The following MEIS2 variants were observed in gnomAD, a reference collection of about 807,000 sequenced individuals.
The protein encoded by MEIS2 is Meis homeobox 2, also known as homeobox protein Meis2.
A neutral mutation model predicts 58.6 loss-of-function variants in MEIS2; 9 were observed. That is an observed-to-expected ratio of 0.15 (90% CI 0.09 to 0.27). The LOEUF (loss-of-function observed/expected upper bound fraction) is 0.27. Ranked by LOEUF, MEIS2 falls within the 10% of genes least tolerant of loss-of-function variation. The pLI is 1.00. For missense variants in MEIS2, 427 were observed against 635.0 expected, an observed-to-expected ratio of 0.67 and a Z score of 3.52; for synonymous variants, 221 against 228.4, an observed-to-expected ratio of 0.97 and a Z score of 0.29.
At chr15:37,027,922 T>G (rs1342661290) in intron 8 of MEIS2, among the ~76,000 whole-genome samples, 2 of 152,206 alleles carry the variant, frequency 1.3e-5, no homozygotes. Context: ...TCACAACTGA[T>G]GAACCTACAT....
rs1214763170 is a variant in MEIS2, at chr15:36,892,367, G to A, written c.1240C>T (p.Pro414Ser). The change falls in exon 12 of 12, where the codon CCA (proline) becomes TCA (serine). Residue 414 changes from proline to serine, a missense_variant. By Grantham distance (74) the Pro-to-Ser change is moderately conservative. Around this residue, in one of 6 missense-constraint regions of MEIS2, gnomAD observed 154 missense variants for 148.1 expected, o/e 1.04. Coordinates refer to ENST00000561208, the MANE Select transcript of MEIS2 (RefSeq NM_170675.5). ...QPSYTPPQMT[P>S]HPTQLRHGPP... ...CCATGTCTTAATTGAGTAGGGTGTG[G>A]GGTCATCTGGGGAGGAGTGTAACTT... 5 of 1,613,854 alleles carry A rather than the reference G, an allele frequency of 3.1e-6. No homozygotes were observed. The highest frequency in any genetic ancestry group is 3.4e-6 in the Non-Finnish European group (4 of 1,179,930).
In MEIS2 at chr15:37,031,815, T is replaced by TGTG. The variant is rs2061937382; in HGVS notation, c.900+4998_900+4999insCAC. 3.6e-4 allele frequency among the ~76,000 whole-genome samples: 48 copies of TGTG among 134,208 alleles called. 1 individual carries two copies. The highest frequency in any genetic ancestry group is 1.2e-3 in the East Asian group (5 of 4,276). 88.0% of individuals were successfully genotyped at this position (134,208 alleles called of 152,430 possible). ...GCTGCATACATAATATTACATCACT[T>TGTG]TGTGTGTGTGTGTGTGTGTGTGTGT... On this transcript the variant is annotated intron_variant, in intron 8 of 11. Transcript: ENST00000561208.
chr15:36,996,048 T>C lies in MEIS2; in HGVS notation c.900+40766A>G, dbSNP rs201773447. Among the ~76,000 whole-genome samples, 21 of 104,952 alleles carry C rather than the reference T, an allele frequency of 2.0e-4. 1 individual carries two copies. The highest frequency in any genetic ancestry group is 4.6e-4 in the Admixed American group (3 of 6,488). The allele number at this position is 104,952 out of a possible 152,430, so 68.9% of individuals were successfully genotyped here. Reference sequence around the variant, plus strand: ...GTATATATATACACACACACACACATATATATATACACACACATATATATA... The same window carrying C: ...GTATATATATACACACACACACACACATATATATACACACACATATATATA... On this transcript the variant is annotated intron_variant, in intron 8 of 11. Transcript: ENST00000561208.
chr15:37,089,869 T>C (rs1020263856), intron 6 of MEIS2, among the ~76,000 whole-genome samples: 14 of 152,066 alleles, frequency 9.2e-5, no homozygotes, highest in African/African-American at 2.9e-4. Context: ...TTTCTTTGTC[T>C]GTACTAGGTC....
chr15:37,010,529 C>A (rs530393774), intron 8 of MEIS2, among the ~76,000 whole-genome samples: 1 of 152,104 alleles, frequency 6.6e-6, no homozygotes, highest in Non-Finnish European at 1.5e-5. Context: ...ACTACAGACG[C>A]ATGCCACCAT....
At chr15:37,018,959 T>A (rs1374164844) in intron 8 of MEIS2, among the ~76,000 whole-genome samples, 1 of 152,114 alleles carries the variant, frequency 6.6e-6, no homozygotes, top group Admixed American at 6.5e-5. Context: ...GCCAGGTCGG[T>A]CATTGATGGT....
intron 8 of MEIS2, among the ~76,000 whole-genome samples, chr15:37,023,499 G>T (rs2061594229): frequency 6.6e-6 from 1 of 152,096 alleles, no homozygotes; most frequent in Admixed American, 6.5e-5. Context: ...ATGAACTGTA[G>T]GATTATTTTT....
chr15:37,008,735 G>T (rs2141622978), intron 8 of MEIS2, among the ~76,000 whole-genome samples: 1 of 152,256 alleles, frequency 6.6e-6, no homozygotes. Context: ...TAAAGTTATT[G>T]ATTTGGGGGG....
chr15:37,016,754 C>T (rs2061363065), intron 8 of MEIS2, among the ~76,000 whole-genome samples: 1 of 152,146 alleles, frequency 6.6e-6, no homozygotes, highest in Non-Finnish European at 1.5e-5. Context: ...AGTCTGTGTA[C>T]AGCTTAGGAA....
chr15:36,962,698 C>T (rs1293675809), intron 8 of MEIS2, among the ~76,000 whole-genome samples: 2 of 152,096 alleles, frequency 1.3e-5, no homozygotes, highest in African/African-American at 4.8e-5. Context: ...GTGTTACTGA[C>T]TGAATCATAT....
Position 37,041,881 on chromosome 15 carries a change from A to G in MEIS2, c.755-4922T>C, listed in dbSNP as rs150711929. Among the ~76,000 whole-genome samples the G allele has an allele frequency of 7.9e-5, 12 of 152,318 alleles. No homozygotes were observed. The East Asian group carries it at 2.3e-3, about 29-fold the overall frequency. ...TCATTCATAAAATTCATGGTCATAA[A>G]AACTACCTAGGCAGGCTTGGCATGG... On this transcript the variant is annotated intron_variant, in intron 7 of 11. Coordinates refer to ENST00000561208, the MANE Select transcript of MEIS2 (RefSeq NM_170675.5).
intron 9 of MEIS2, among the ~76,000 whole-genome samples, chr15:36,928,617 G>A (rs962352776): frequency 6.6e-6 from 1 of 152,164 alleles, no homozygotes; most frequent in Non-Finnish European, 1.5e-5. Flanking sequence ...TAATGTCAGA[G>A]AGTTTATGTA....
intron 4 of MEIS2, 140 bp downstream of exon 4, chr15:37,095,424 G>T: frequency 7.5e-7 from 1 of 1,334,616 alleles, no homozygotes; most frequent in Non-Finnish European, 1.0e-6. Flanking sequence ...GGGGCTCTAA[G>T]CTGCTCCCTT....
chr15:36,922,201 G>T (rs769026391), intron 9 of MEIS2, among the ~76,000 whole-genome samples: 32 of 152,130 alleles, frequency 2.1e-4, no homozygotes, highest in Admixed American at 1.3e-3. Context: ...GTCTGACCCC[G>T]AGGAGCTTTG....
Position 37,047,366 on chromosome 15 carries a change from A to C in MEIS2, c.755-10407T>G, listed in dbSNP as rs1441602327. Among the ~76,000 whole-genome samples the C allele has an allele frequency of 2.0e-5, 3 of 152,142 alleles. No homozygotes were observed. In the South Asian group the frequency reaches 6.2e-4, roughly 32 times the overall value. On this transcript the variant is annotated intron_variant, in intron 7 of 11. Transcript: ENST00000561208. ...ACAGAGTTCACAATCCTTCAGCCCT[A>C]AACACAGAAGGCTGCTATCTTCAAG...
chr15:37,025,753 C>CA (rs35154978), intron 8 of MEIS2, among the ~76,000 whole-genome samples: 27,976 of 96,502 alleles, frequency 0.29, 3,255 homozygotes, highest in East Asian at 0.46. Flanking sequence ...ACTTGCTCTG[C>CA]AAAAAAAAAA....
At chr15:36,963,117 G>T (rs144148566) in intron 8 of MEIS2, among the ~76,000 whole-genome samples, 1,879 of 152,266 alleles carry the variant, frequency 0.012, 43 homozygotes, top group African/African-American at 0.043. Context: ...GCTCACGCCT[G>T]TAATCCCAAC....
intron 7 of MEIS2, among the ~76,000 whole-genome samples, chr15:37,078,296 G>A (rs531441711): frequency 1.1e-4 from 16 of 152,124 alleles, no homozygotes; most frequent in African/African-American, 3.9e-4. Flanking sequence ...GCATGCCGGT[G>A]AGAAGTGGCA....
intron 8 of MEIS2, among the ~76,000 whole-genome samples, chr15:37,026,354 C>T (rs1029925165): frequency 1.3e-5 from 2 of 152,094 alleles, no homozygotes; most frequent in Non-Finnish European, 2.9e-5. Flanking sequence ...AGAAAAAAGC[C>T]ATTTTCCAAT....
Sources: gnomAD v4.1 joint callset for allele counts (sites outside exome capture counted in the v4.1 genomes callset) on GRCh38, gnomAD v4.1.1 for gene constraint, gnomAD v4.1.1 regional missense constraint, MANE v1.5 for transcripts, NCBI Gene and HGNC (gene_info 2026-07-23, HGNC 2026-07-21) for gene names.